The following SEMA5B variants were observed in gnomAD, a reference collection of about 807,000 sequenced individuals.
SEMA5B encodes semaphorin-5B.
Under a neutral mutation model 135.0 loss-of-function variants are expected in SEMA5B, and 66 were observed. The observed-to-expected ratio is 0.49, with a 90% CI of 0.40 to 0.60. SEMA5B has a LOEUF of 0.60. Ranked by LOEUF, SEMA5B falls within the 20% of genes least tolerant of loss-of-function variation. SEMA5B has a pLI of 0.00. For missense variants in SEMA5B, 1,501 were observed against 1,566.3 expected, an observed-to-expected ratio of 0.96 and a Z score of 0.70; for synonymous variants, 690 against 639.5, an observed-to-expected ratio of 1.08 and a Z score of -1.19.
chr3:122,993,738 C>A (rs1941946095), intron 1 of SEMA5B, among the ~76,000 whole-genome samples: 1 of 151,902 alleles, frequency 6.6e-6, no homozygotes, highest in Non-Finnish European at 1.5e-5. Context: ...TCCTCCCCGC[C>A]CCCTTGCCAC....
intron 1 of SEMA5B, among the ~76,000 whole-genome samples, chr3:123,019,746 T>C (rs1480340112): frequency 6.6e-6 from 1 of 152,164 alleles, no homozygotes; most frequent in African/African-American, 2.4e-5. Flanking sequence ...TTGAGTGTTA[T>C]GGTTCAGGGG....
At chr3:123,007,801 T>G (rs6802010) in intron 1 of SEMA5B, among the ~76,000 whole-genome samples, 10,217 of 152,268 alleles carry the variant, frequency 0.067, 999 homozygotes, top group African/African-American at 0.22. Flanking sequence ...CATTTCTTTA[T>G]AAGTTACCCA....
At chr3:122,962,262 G>A (rs550238552) in intron 1 of SEMA5B, among the ~76,000 whole-genome samples, 17 of 152,298 alleles carry the variant, frequency 1.1e-4, no homozygotes, top group Admixed American at 1.0e-3. Context: ...CACATTTCTG[G>A]CATCCAGAGA....
chr3:122,927,933 T>A lies in SEMA5B; in HGVS notation c.707A>T (p.Asn236Ile). Residue 236 changes from asparagine (N) to isoleucine (I), a missense_variant, in exon 8 of 23, where the codon AAC (asparagine) becomes ATC (isoleucine). This residue lies in a region of SEMA5B where 574 missense variants were observed against 684.7 expected (regional missense o/e 0.84). Transcript: ENST00000357599. ...CTGGGAGGAGATGACAGCTGTGGAGTTGTGGCGTGGGTCATAGGGGCAGCG... is the reference window on the plus strand; with the variant it reads ...CTGGGAGGAGATGACAGCTGTGGAGATGTGGCGTGGGTCATAGGGGCAGCG... ...VARCPYDPRH[N>I]STAVISSQGE... is the part of the protein sequence containing the mutation. 1 of 1,586,886 alleles carries A rather than the reference T, an allele frequency of 6.3e-7. No homozygotes were observed. The highest frequency in any genetic ancestry group is 8.6e-7 in the Non-Finnish European group (1 of 1,165,790).
rs1260906851 is a variant in SEMA5B, at chr3:122,913,526, A to T, written c.2280+8T>A. ...ACCGCGCCCCTGGCCCACGGCCCCA[A>T]CCCTCACCACGCCGCAGCCCAGGCA... On this transcript the variant is annotated splice_region_variant and intron_variant, in intron 16 of 22. Transcript: ENST00000357599. 4 of 1,609,000 alleles carry T rather than the reference A, an allele frequency of 2.5e-6. No individual in the cohort carries two copies. The South Asian group carries it at 4.4e-5, about 18-fold the overall frequency.
chr3:122,965,913 T>C (rs963310170), intron 1 of SEMA5B, among the ~76,000 whole-genome samples: 1 of 152,166 alleles, frequency 6.6e-6, no homozygotes, highest in Non-Finnish European at 1.5e-5. Flanking sequence ...GAGGGAGTCC[T>C]CTCAGAGTCT....
chr3:123,000,749 A>T (rs1201098119), intron 1 of SEMA5B, among the ~76,000 whole-genome samples: 1 of 152,166 alleles, frequency 6.6e-6, no homozygotes, highest in Non-Finnish European at 1.5e-5. Context: ...CAGGGGAGCC[A>T]TGGCATTTTT....
At chr3:123,013,725 C>A (rs991455110) in intron 1 of SEMA5B, among the ~76,000 whole-genome samples, 7 of 152,206 alleles carry the variant, frequency 4.6e-5, no homozygotes, top group African/African-American at 1.7e-4. Context: ...TCACGCATTC[C>A]CATCCAGCCT....
chr3:122,920,233 C>G (rs1938281554), intron 12 of SEMA5B, among the ~76,000 whole-genome samples: 1 of 152,216 alleles, frequency 6.6e-6, no homozygotes, highest in Non-Finnish European at 1.5e-5. Context: ...CAGTCCCATT[C>G]CCCATGTTTC....
chr3:122,958,923 G>T (rs1401613802), intron 2 of SEMA5B, among the ~76,000 whole-genome samples: 1 of 152,098 alleles, frequency 6.6e-6, no homozygotes, highest in African/African-American at 2.4e-5. Context: ...GAGTGTTCCG[G>T]CAGTCCTCCC....
chr3:122,962,020 G>A (rs1940604735), intron 1 of SEMA5B, among the ~76,000 whole-genome samples: 1 of 152,138 alleles, frequency 6.6e-6, no homozygotes, highest in Non-Finnish European at 1.5e-5. Context: ...GCTGGGCAAG[G>A]TTCTCTACTT....
At position 122,943,423 on chromosome 3, in the gene SEMA5B, T is replaced by A. The variant is rs1339996282; in HGVS notation, c.428+13A>T. ...CCTGCACTTCCCACCCCGACCCTTC[T>A]GCCCCTTGTTACCTGGCTCCCACGA... is the stretch of plus-strand genomic sequence containing the variant. On this transcript the variant is annotated intron_variant, in intron 4 of 22. Transcript: ENST00000357599. 7 of 1,574,256 alleles carry A rather than the reference T, an allele frequency of 4.4e-6. No individual in the cohort carries two copies. Among genetic ancestry groups the A allele is most frequent in the Non-Finnish European group, 6.1e-6 (7 of 1,153,974 alleles).
intron 8 of SEMA5B, among the ~76,000 whole-genome samples, chr3:122,927,008 G>A (rs1014984311): frequency 1.3e-5 from 2 of 152,222 alleles, no homozygotes; most frequent in African/African-American, 4.8e-5. Context: ...GCACAGAGAG[G>A]TTAAGTACTT....
intron 5 of SEMA5B, among the ~76,000 whole-genome samples, chr3:122,937,743 C>T (rs1418188679): frequency 6.6e-6 from 1 of 152,202 alleles, no homozygotes; most frequent in Non-Finnish European, 1.5e-5. Context: ...ACTCAGTCAT[C>T]AAGCGCAGTC....
intron 1 of SEMA5B, among the ~76,000 whole-genome samples, chr3:123,020,346 A>G (rs1347569430): frequency 1.3e-5 from 2 of 152,242 alleles, no homozygotes; most frequent in Admixed American, 6.5e-5. Context: ...GTACAATCAC[A>G]ATTTGGTTAC....
At chr3:122,984,477 G>A (rs1941633915) in intron 1 of SEMA5B, among the ~76,000 whole-genome samples, 1 of 152,212 alleles carries the variant, frequency 6.6e-6, no homozygotes, top group Non-Finnish European at 1.5e-5. Flanking sequence ...ACGTCCGTCT[G>A]TGGCTTCTGT....
chr3:123,022,047 A>G (rs1490656350), intron 1 of SEMA5B, among the ~76,000 whole-genome samples: 1 of 152,148 alleles, frequency 6.6e-6, no homozygotes, highest in Non-Finnish European at 1.5e-5. Context: ...CTCCTGGAAA[A>G]TCAAGAAGCG....
intron 1 of SEMA5B, among the ~76,000 whole-genome samples, chr3:122,979,226 G>A (rs757202914): frequency 6.6e-6 from 1 of 152,174 alleles, no homozygotes; most frequent in Non-Finnish European, 1.5e-5. Flanking sequence ...GGTGAACGTG[G>A]ACAGTGGAAA....
In SEMA5B at chr3:122,943,545, G is replaced by T; in HGVS notation, c.329-10C>A. ...ACCCACGGCTGCAGGTCTGGTGGAG[G>T]GAGAGGCAACCCTGTGGTTACTGTT... On this transcript the variant is annotated splice_polypyrimidine_tract_variant and intron_variant, in intron 3 of 22. Transcript: ENST00000357599. 6.3e-7 allele frequency: 1 copy of T among 1,589,416 alleles called. No individual in the cohort carries two copies. The highest frequency in any genetic ancestry group is 1.7e-5 in the Admixed American group (1 of 57,412).
Sources: gnomAD v4.1 joint callset for allele counts (sites outside exome capture counted in the v4.1 genomes callset) on GRCh38, gnomAD v4.1.1 for gene constraint, gnomAD v4.1.1 regional missense constraint, MANE v1.5 for transcripts, NCBI Gene and HGNC (gene_info 2026-07-23, HGNC 2026-07-21) for gene names.